Variants in ARMC8 observed in about 807,000 individuals in gnomAD.
ARMC8 encodes armadillo repeat containing 8, also known as armadillo repeat-containing protein 8.
ARMC8 carries 20 observed loss-of-function variants against 99.3 expected under a neutral mutation model. That is an observed-to-expected ratio of 0.20 (90% CI 0.14 to 0.29). The LOEUF is 0.29. Ranked by LOEUF, ARMC8 falls within the 10% of genes least tolerant of loss-of-function variation. The probability of loss-of-function intolerance (pLI) is 1.00; values close to 1 mark genes in which losing one functional copy is unlikely to be tolerated. For missense variants in ARMC8, 569 were observed against 809.5 expected (o/e 0.70, Z 3.60); for synonymous variants, 263 against 278.3 (o/e 0.95, Z 0.55).
At chr3:138,202,340 A>T (rs1330554015) in intron 1 of ARMC8, among the ~76,000 whole-genome samples, 1 of 152,242 alleles carries the variant, frequency 6.6e-6, no homozygotes, top group East Asian at 1.9e-4. Context: ...GAACTAGAAC[A>T]TACTAAACAA....
chr3:138,205,328 C>T (rs532120568), intron 1 of ARMC8, among the ~76,000 whole-genome samples: 35 of 151,932 alleles, frequency 2.3e-4, no homozygotes, highest in Admixed American at 5.2e-4. Flanking sequence ...GGATTACAGG[C>T]GTGAGCCACC....
In ARMC8 at chr3:138,210,325, C is replaced by G. The variant is rs560826772; in HGVS notation, c.122+432C>G. Among the ~76,000 whole-genome samples, 9 of 152,136 alleles carry G rather than the reference C, an allele frequency of 5.9e-5. No homozygotes were observed. In the East Asian group the frequency reaches 1.5e-3, roughly 26 times the overall value. On this transcript the variant is annotated intron_variant, in intron 2 of 21. Coordinates refer to ENST00000469044, the MANE Select transcript of ARMC8 (RefSeq NM_001363941.2). ...AGTCTCCTGTTGATGTTTTAAATTT[C>G]GAATTTAGAAAGCTGTCAGAAAATT...
At chr3:138,187,706 G>C in intron 1 of ARMC8, 107 bp downstream of exon 1, 1 of 1,260,862 alleles carries the variant, frequency 7.9e-7, no homozygotes, top group African/African-American at 1.5e-5. Context: ...CCCTGGGGTG[G>C]ACCCCGGCTC....
Position 138,272,523 on chromosome 3 carries a change from C to T in ARMC8, c.1480-444C>T, listed in dbSNP as rs116649628. ...AGAAATATAGGTGATTAACAAGAAT[C>T]AAGAAAATAGATTGATTTATCCTTA... On this transcript the variant is annotated intron_variant, in intron 16 of 21. Transcript: ENST00000469044. Among the ~76,000 whole-genome samples the T allele has an allele frequency of 3.5e-3, 529 of 152,262 alleles. 2 individuals carry two copies. Among genetic ancestry groups the T allele is most frequent in the African/African-American group, 0.012 (500 of 41,552 alleles).
At chr3:138,220,609 G>A (rs906860455) in intron 2 of ARMC8, among the ~76,000 whole-genome samples, 16 of 151,994 alleles carry the variant, frequency 1.1e-4, no homozygotes, top group Non-Finnish European at 4.4e-5. Flanking sequence ...AGGGTTAATC[G>A]TTACCAGGTT....
At chr3:138,275,006 C>T (rs1176349340) in intron 18 of ARMC8, among the ~76,000 whole-genome samples, 1 of 152,184 alleles carries the variant, frequency 6.6e-6, no homozygotes, top group Non-Finnish European at 1.5e-5. Context: ...CATCCCATAA[C>T]CCTACTTCCA....
chr3:138,274,564 T>C lies in ARMC8; in HGVS notation c.1725+20T>C. On this transcript the variant is annotated intron_variant, in intron 18 of 21. Transcript: ENST00000469044. ...GAGCAGGTACGTTGTTCCTTTCTCT[T>C]GGGGAATATTTTCTGAATGTGAGCA... 1 of 1,560,292 alleles carries C rather than the reference T, an allele frequency of 6.4e-7. No individual in the cohort carries two copies. The highest frequency in any genetic ancestry group is 1.1e-5 in the South Asian group (1 of 88,914).
At chr3:138,220,689 T>C (rs2045345047) in intron 2 of ARMC8, among the ~76,000 whole-genome samples, 1 of 151,272 alleles carries the variant, frequency 6.6e-6, no homozygotes, top group Non-Finnish European at 1.5e-5. Flanking sequence ...GTTGATTTTT[T>C]TTTCTTTTTT....
chr3:138,260,463 C>T (rs2108248716), intron 12 of ARMC8, among the ~76,000 whole-genome samples: 1 of 152,334 alleles, frequency 6.6e-6, no homozygotes, highest in Middle Eastern at 3.4e-3. Context: ...TGGCTACCTA[C>T]TCATTTTATT....
At chr3:138,293,900 A>C (rs976208267) in intron 21 of ARMC8, among the ~76,000 whole-genome samples, 1 of 152,210 alleles carries the variant, frequency 6.6e-6, no homozygotes, top group Non-Finnish European at 1.5e-5. Flanking sequence ...CTGTTTTCAC[A>C]TAAGTTTTTA....
intron 1 of ARMC8, among the ~76,000 whole-genome samples, chr3:138,207,835 T>A (rs916677484): frequency 6.6e-6 from 1 of 152,226 alleles, no homozygotes; most frequent in Non-Finnish European, 1.5e-5. Context: ...CTTCTAACTC[T>A]GTGATTCTGT....
At chr3:138,194,328 C>G (rs1185842664) in intron 1 of ARMC8, among the ~76,000 whole-genome samples, 1 of 148,658 alleles carries the variant, frequency 6.7e-6, no homozygotes, top group East Asian at 2.1e-4. Flanking sequence ...CAGGCGTAAG[C>G]CACTGCGCCC....
rs185210184 is a variant in ARMC8, at chr3:138,244,677, G to A, written c.1039-411G>A. On this transcript the variant is annotated intron_variant, in intron 11 of 21. Transcript: ENST00000469044. ...AAAGACATTGTTGCGATTTCATTCAGGTTATCAGCTGTAGTCTGGGGCTAG... is the reference window on the plus strand; with the variant it reads ...AAAGACATTGTTGCGATTTCATTCAAGTTATCAGCTGTAGTCTGGGGCTAG... 1.1e-4 allele frequency among the ~76,000 whole-genome samples: 16 copies of A among 152,330 alleles called. No homozygotes were observed. The East Asian group carries it at 2.9e-3, about 28-fold the overall frequency.
chr3:138,204,588 C>T (rs1464333758), intron 1 of ARMC8, among the ~76,000 whole-genome samples: 1 of 152,208 alleles, frequency 6.6e-6, no homozygotes, highest in African/African-American at 2.4e-5. Flanking sequence ...GCTTTGGCCC[C>T]ACTGTACTGC....
chr3:138,245,055 C>A (rs112310143), intron 11 of ARMC8, 33 bp from the exon 12 acceptor site: 2 of 1,583,870 alleles, frequency 1.3e-6, no homozygotes, highest in Non-Finnish European at 1.7e-6. Context: ...AATTTATGGA[C>A]TGAGTTGGAA....
intron 3 of ARMC8, 110 bp from the exon 4 acceptor site, chr3:138,223,278 TA>T: frequency 1.1e-6 from 1 of 930,610 alleles, no homozygotes; most frequent in Non-Finnish European, 1.6e-6. Context: ...TGGATTCATA[TA>T]AACTCAGCCA....
At chr3:138,269,968 A>G in intron 15 of ARMC8, 72 bp from the exon 16 acceptor site, 2 of 969,314 alleles carry the variant, frequency 2.1e-6, no homozygotes, top group Non-Finnish European at 3.2e-6. Flanking sequence ...ACAAAGTGCC[A>G]AGGTATATGC....
chr3:138,288,706 C>G (rs531503279), intron 19 of ARMC8, among the ~76,000 whole-genome samples: 1 of 147,756 alleles, frequency 6.8e-6, no homozygotes, highest in South Asian at 2.2e-4. Flanking sequence ...GGCACGATCT[C>G]AGCTCACTGC....
intron 2 of ARMC8, among the ~76,000 whole-genome samples, chr3:138,212,280 C>T (rs1032990071): frequency 1.3e-5 from 2 of 150,074 alleles, no homozygotes; most frequent in Admixed American, 6.6e-5. Flanking sequence ...AAGTGGATTA[C>T]TTTCAACATT....
Sources: gnomAD v4.1 joint callset for allele counts (sites outside exome capture counted in the v4.1 genomes callset) on GRCh38, gnomAD v4.1.1 for gene constraint, MANE v1.5 for transcripts, NCBI Gene and HGNC (gene_info 2026-07-23, HGNC 2026-07-21) for gene names.